The following STXBP5 variants were observed in gnomAD, a reference collection of about 807,000 sequenced individuals.
STXBP5 encodes the protein syntaxin-binding protein 5.
STXBP5 carries 50 observed loss-of-function variants against 152.4 expected under a neutral mutation model. That is an observed-to-expected ratio of 0.33 (90% CI 0.26 to 0.42). The LOEUF (loss-of-function observed/expected upper bound fraction) is 0.42, where lower values mean the gene tolerates loss of function less well. Ranked by LOEUF, STXBP5 falls within the 10% of genes least tolerant of loss-of-function variation. The probability of loss-of-function intolerance (pLI) is 1.00; values close to 1 mark genes in which losing one functional copy is unlikely to be tolerated. For missense variants in STXBP5, 1,167 were observed against 1,388.6 expected, an observed-to-expected ratio of 0.84 and a Z score of 2.54; for synonymous variants, 492 against 494.7, an observed-to-expected ratio of 0.99 and a Z score of 0.07.
At chr6:147,245,733 C>T (rs1490837909) in intron 4 of STXBP5, among the ~76,000 whole-genome samples, 2 of 152,140 alleles carry the variant, frequency 1.3e-5, no homozygotes, top group Non-Finnish European at 2.9e-5. Flanking sequence ...CTGGTGTCCA[C>T]ATAAGAAGAG....
chr6:147,245,424 C>T (rs1371690155), intron 4 of STXBP5, among the ~76,000 whole-genome samples: 1 of 152,150 alleles, frequency 6.6e-6, no homozygotes, highest in Non-Finnish European at 1.5e-5. Context: ...TTGCCAGACT[C>T]AGCTCAGGGA....
chr6:147,330,887 C>T (rs982965927), intron 18 of STXBP5, among the ~76,000 whole-genome samples: 1 of 152,182 alleles, frequency 6.6e-6, no homozygotes, highest in Non-Finnish European at 1.5e-5. Flanking sequence ...TTTGTAAATA[C>T]AGTTTTATTG....
intron 4 of STXBP5, among the ~76,000 whole-genome samples, chr6:147,247,195 A>G (rs770492565): frequency 2.6e-5 from 4 of 152,258 alleles, no homozygotes; most frequent in African/African-American, 4.8e-5. Context: ...AATTAATCAC[A>G]GTATTGAAAC....
chr6:147,315,378 C>G, intron 14 of STXBP5, 137 bp from the exon 15 acceptor site: 1 of 569,518 alleles, frequency 1.8e-6, no homozygotes, highest in South Asian at 2.8e-5. Context: ...GTTTAATAGA[C>G]TAACGTAAAT....
At chr6:147,345,326 T>C (rs1323091867) in intron 21 of STXBP5, among the ~76,000 whole-genome samples, 1 of 152,170 alleles carries the variant, frequency 6.6e-6, no homozygotes, top group African/African-American at 2.4e-5. Flanking sequence ...GAGATAGACA[T>C]TGGTATTATT....
At chr6:147,373,591 G>T in intron 25 of STXBP5, 140 bp from the exon 26 acceptor site, 1 of 554,870 alleles carries the variant, frequency 1.8e-6, no homozygotes. Context: ...GTATCTGATC[G>T]TAGGACATGT....
intron 16 of STXBP5, among the ~76,000 whole-genome samples, chr6:147,321,799 A>G (rs1044789268): frequency 3.9e-5 from 6 of 152,222 alleles, no homozygotes; most frequent in Non-Finnish European, 7.3e-5. Context: ...AATCAACTTG[A>G]ATATATTAAA....
chr6:147,307,319 A>G (rs1293848663), intron 9 of STXBP5, among the ~76,000 whole-genome samples: 9 of 152,222 alleles, frequency 5.9e-5, no homozygotes. Flanking sequence ...ACTTAAAGTA[A>G]TCAAGTAAAA....
intron 25 of STXBP5, among the ~76,000 whole-genome samples, chr6:147,370,323 G>C (rs1459917320): frequency 2.0e-5 from 3 of 152,050 alleles, no homozygotes; most frequent in Non-Finnish European, 2.9e-5. Context: ...TGATTGTGGT[G>C]ATGGTTTCAT....
At chr6:147,213,467 T>TGCGCGCGCGC (rs1776980269) in intron 2 of STXBP5, among the ~76,000 whole-genome samples, 1 of 121,636 alleles carries the variant, frequency 8.2e-6, no homozygotes, top group Non-Finnish European at 1.9e-5. Context: ...TGTGTGTGTG[T>TGCGCGCGCGC]GTGTGTGTGT....
chr6:147,205,638 G>T (rs989968224), intron 1 of STXBP5, among the ~76,000 whole-genome samples: 3 of 152,098 alleles, frequency 2.0e-5, no homozygotes, highest in Non-Finnish European at 4.4e-5. Context: ...CATTTAATGG[G>T]TTTACAGAAT....
chr6:147,253,428 C>A (rs555263069), intron 4 of STXBP5, among the ~76,000 whole-genome samples: 1 of 152,184 alleles, frequency 6.6e-6, no homozygotes, highest in East Asian at 1.9e-4. Context: ...CCACTCCTGT[C>A]CAACATAGTA....
chr6:147,271,379 C>T (rs1368096860), intron 7 of STXBP5, among the ~76,000 whole-genome samples: 4 of 152,004 alleles, frequency 2.6e-5, no homozygotes, highest in Admixed American at 6.5e-5. Flanking sequence ...CAGCTATACA[C>T]GGAATATCAC....
chr6:147,340,673 T>G (rs1784049090), intron 21 of STXBP5, among the ~76,000 whole-genome samples: 1 of 152,120 alleles, frequency 6.6e-6, no homozygotes, highest in Non-Finnish European at 1.5e-5. Flanking sequence ...AAAGGGACTT[T>G]GTACATAATT....
At chr6:147,278,918 G>T (rs965315587) in intron 8 of STXBP5, among the ~76,000 whole-genome samples, 1 of 152,160 alleles carries the variant, frequency 6.6e-6, no homozygotes. Context: ...GGAGTCCAGG[G>T]TTTTTATTGG....
intron 22 of STXBP5, among the ~76,000 whole-genome samples, chr6:147,356,575 A>G (rs888781403): frequency 6.6e-5 from 10 of 151,956 alleles, no homozygotes; most frequent in African/African-American, 2.2e-4. Context: ...ATGGAAATGC[A>G]ATCTCAAGCA....
intron 3 of STXBP5, among the ~76,000 whole-genome samples, chr6:147,237,317 T>G (rs915579429): frequency 7.3e-5 from 11 of 150,044 alleles, no homozygotes; most frequent in African/African-American, 1.8e-4. Flanking sequence ...AAAGATAGGG[T>G]TTTTTTTGTT....
intron 22 of STXBP5, 23 bp from the exon 23 acceptor site, chr6:147,359,060 TC>T: frequency 6.2e-7 from 1 of 1,603,024 alleles, no homozygotes; most frequent in Non-Finnish European, 8.5e-7. Context: ...TTGAGCAATC[TC>T]ACAACATTTT....
At chr6:147,280,455 GT>G (rs1554292531) in intron 8 of STXBP5, among the ~76,000 whole-genome samples, 2 of 151,876 alleles carry the variant, frequency 1.3e-5, no homozygotes, top group Non-Finnish European at 1.5e-5. Context: ...TATTAAAAAG[GT>G]TTTCTTTTTA....
Sources: allele counts gnomAD v4.1 joint callset (sites outside exome capture counted in the v4.1 genomes callset), GRCh38; gene constraint gnomAD v4.1.1; transcripts MANE v1.5; gene names NCBI Gene and HGNC (gene_info 2026-07-23, HGNC 2026-07-21).